Variants in CDK14 observed in about 807,000 individuals in gnomAD.
The protein encoded by CDK14 is cyclin dependent kinase 14, also known as cyclin-dependent kinase 14.
In CDK14, 34 loss-of-function variants were observed where a neutral mutation model predicts 60.7. That is an observed-to-expected ratio of 0.56 (90% CI 0.43 to 0.75). CDK14 has a LOEUF of 0.75. Ranked by LOEUF, CDK14 falls within the 30% of genes least tolerant of loss-of-function variation. The pLI is 0.00. For synonymous variants in CDK14, 197 were observed against 203.7 expected (o/e 0.97, Z 0.28); for missense variants, 482 against 564.1 (o/e 0.85, Z 1.47).
At chr7:91,184,298 C>T (rs1220061200) in intron 14 of CDK14, among the ~76,000 whole-genome samples, 1 of 142,506 alleles carries the variant, frequency 7.0e-6, no homozygotes, top group Middle Eastern at 3.7e-3. Flanking sequence ...AAAAAAAGAA[C>T]TCCTTAAGAA....
chr7:90,653,814 C>T (rs959706427), intron 2 of CDK14, among the ~76,000 whole-genome samples: 1 of 152,132 alleles, frequency 6.6e-6, no homozygotes, highest in Non-Finnish European at 1.5e-5. Context: ...GCTATCCCTC[C>T]TTCTCCCCCC....
At chr7:90,776,394 C>A (rs1805045976) in intron 4 of CDK14, among the ~76,000 whole-genome samples, 1 of 152,170 alleles carries the variant, frequency 6.6e-6, no homozygotes, top group Non-Finnish European at 1.5e-5. Flanking sequence ...GTATACAACC[C>A]ATAGCCCTAA....
chr7:90,640,133 G>T (rs1485997011), intron 2 of CDK14, among the ~76,000 whole-genome samples: 3 of 152,076 alleles, frequency 2.0e-5, no homozygotes, highest in African/African-American at 7.2e-5. Flanking sequence ...CCACTGTCCT[G>T]TGCCCACTGT....
intron 5 of CDK14, among the ~76,000 whole-genome samples, chr7:90,844,429 A>G (rs1759324930): frequency 6.6e-6 from 1 of 152,224 alleles, no homozygotes; most frequent in African/African-American, 2.4e-5. Context: ...TCTGGAACAG[A>G]TGGTAGAAAG....
intron 11 of CDK14, among the ~76,000 whole-genome samples, chr7:91,063,137 A>G (rs561787608): frequency 3.8e-4 from 58 of 152,318 alleles, no homozygotes; most frequent in African/African-American, 1.3e-3. Context: ...CTCCCATAGT[A>G]GGTTCTGACT....
chr7:90,731,027 G>A (rs1398273053), intron 3 of CDK14, among the ~76,000 whole-genome samples: 3 of 152,206 alleles, frequency 2.0e-5, no homozygotes, highest in East Asian at 3.9e-4. Context: ...AGTTAATTTT[G>A]TATAAGGTGT....
At chr7:90,914,522 T>A (rs1793010652) in intron 7 of CDK14, among the ~76,000 whole-genome samples, 1 of 152,200 alleles carries the variant, frequency 6.6e-6, no homozygotes, top group African/African-American at 2.4e-5. Context: ...TGGTTGGCAC[T>A]TAATAAACCC....
At chr7:90,829,186 TG>T (rs1200678775) in intron 5 of CDK14, among the ~76,000 whole-genome samples, 1 of 152,158 alleles carries the variant, frequency 6.6e-6, no homozygotes, top group African/African-American at 2.4e-5. Context: ...TATTACAATT[TG>T]AGATGGGATT....
At chr7:90,805,614 G>T (rs1434738948) in intron 5 of CDK14, among the ~76,000 whole-genome samples, 1 of 151,956 alleles carries the variant, frequency 6.6e-6, no homozygotes, top group Non-Finnish European at 1.5e-5. Flanking sequence ...ACAAAATCTT[G>T]ATGGAAAGAA....
chr7:91,008,147 A>AC (rs1378944936), intron 10 of CDK14, among the ~76,000 whole-genome samples: 2,423 of 109,644 alleles, frequency 0.022, 138 homozygotes, highest in African/African-American at 0.077. Context: ...AAAAAAAAAC[A>AC]AACAAAAAAA....
intron 2 of CDK14, chr7:90,632,141 C>A: frequency 6.2e-6 from 1 of 160,838 alleles, no homozygotes. Context: ...TGGATGGTGA[C>A]AGTTCTCTTG....
chr7:91,104,741 A>T (rs540667502), intron 12 of CDK14, among the ~76,000 whole-genome samples: 3 of 152,332 alleles, frequency 2.0e-5, no homozygotes, highest in African/African-American at 7.2e-5. Flanking sequence ...TGCATTTGAG[A>T]TTCATCTAGA....
chr7:90,927,591 A>G (rs1419014681), intron 8 of CDK14, among the ~76,000 whole-genome samples: 1 of 152,216 alleles, frequency 6.6e-6, no homozygotes, highest in East Asian at 1.9e-4. Context: ...AAGTACATAT[A>G]TAAATATAAA....
chr7:91,039,745 T>C (rs988876777), intron 10 of CDK14, among the ~76,000 whole-genome samples: 2 of 152,146 alleles, frequency 1.3e-5, no homozygotes. Context: ...CCCCTTAATA[T>C]ACTCCATCCT....
intron 10 of CDK14, among the ~76,000 whole-genome samples, chr7:91,015,144 C>T (rs1796263744): frequency 6.6e-6 from 1 of 152,078 alleles, no homozygotes; most frequent in Non-Finnish European, 1.5e-5. Context: ...AGTCCAGATA[C>T]TTTAATCTCT....
chr7:90,709,337 C>G (rs1801975805), intron 2 of CDK14: 2 of 1,114,036 alleles, frequency 1.8e-6, no homozygotes, highest in Admixed American at 3.7e-5. Flanking sequence ...GGGGTTGTCA[C>G]TCAGGACACT....
intron 2 of CDK14, among the ~76,000 whole-genome samples, chr7:90,638,623 C>T (rs1343773217): frequency 6.6e-6 from 1 of 152,152 alleles, no homozygotes; most frequent in Non-Finnish European, 1.5e-5. Flanking sequence ...AGTTGCTCTT[C>T]TCCAGGAGTA....
chr7:90,909,597 A>G (rs1792825107), intron 7 of CDK14, among the ~76,000 whole-genome samples: 1 of 152,060 alleles, frequency 6.6e-6, no homozygotes, highest in East Asian at 1.9e-4. Flanking sequence ...CCATGGCTTT[A>G]AACTGCCTGC....
intron 5 of CDK14, among the ~76,000 whole-genome samples, chr7:90,818,478 A>G (rs557130409): frequency 1.3e-5 from 2 of 152,214 alleles, no homozygotes; most frequent in African/African-American, 4.8e-5. Context: ...CTGAGGAATC[A>G]CTGGCAGTTT....
Sources: gnomAD v4.1 joint callset for allele counts (sites outside exome capture counted in the v4.1 genomes callset) on GRCh38, gnomAD v4.1.1 for gene constraint, MANE v1.5 for transcripts, NCBI Gene and HGNC (gene_info 2026-07-23, HGNC 2026-07-21) for gene names.